The following STAG1 variants were observed in gnomAD, a reference collection of about 807,000 sequenced individuals.
STAG1 encodes STAG1 cohesin complex component.
A neutral mutation model predicts 170.9 loss-of-function variants in STAG1; 26 were observed. The ratio of observed to expected loss-of-function variants is 0.15; its 90% CI spans 0.11 to 0.21. STAG1 has a LOEUF of 0.21. STAG1 is among the 10% of genes least tolerant of loss of function. The pLI is 1.00. For missense variants in STAG1, 964 were observed against 1,509.5 expected (o/e 0.64, Z 5.99); for synonymous variants, 514 against 497.7 (o/e 1.03, Z -0.44).
Position 136,363,390 on chromosome 3 carries a change from C to A in STAG1, c.2763G>T (p.Lys921Asn). 1.9e-6 allele frequency: 3 copies of A among 1,603,242 alleles called. No individual in the cohort carries two copies. The highest frequency in any genetic ancestry group is 2.6e-6 in the Non-Finnish European group (3 of 1,172,016). The change falls in exon 26 of 34, where the codon AAG becomes AAT. Residue 921 changes from lysine (K) to asparagine (N), a missense_variant. By Grantham distance (94) the Lys-to-Asn change is moderately conservative (BLOSUM62 0). This residue lies in a region of STAG1 where 149 missense variants were observed against 301.3 expected (regional missense o/e 0.49). Coordinates refer to ENST00000383202, the MANE Select transcript of STAG1 (RefSeq NM_005862.3). ...CCTGTTGCAAACTGAGAATGAGAGT[C>A]TTGGCACACTGAATTTTATCAATCT... ...TRQIDKIQCA[K>N]TLILSLQQLF... is the part of the protein sequence containing the mutation.
intron 1 of STAG1, among the ~76,000 whole-genome samples, chr3:136,641,260 A>G (rs1038915339): frequency 5.3e-5 from 8 of 152,234 alleles, no homozygotes; most frequent in Non-Finnish European, 8.8e-5. Flanking sequence ...GGGAATCAAT[A>G]ATGAATACTA....
intron 12 of STAG1, 47 bp downstream of exon 12, chr3:136,472,366 G>T (rs769794428): frequency 8.0e-6 from 11 of 1,379,038 alleles, no homozygotes; most frequent in Non-Finnish European, 1.0e-5. Context: ...CTGGGGAAAA[G>T]GTATTAAAAT....
chr3:136,561,474 C>G (rs967929725), intron 5 of STAG1, among the ~76,000 whole-genome samples: 2 of 152,172 alleles, frequency 1.3e-5, no homozygotes, highest in African/African-American at 4.8e-5. Context: ...AAAGAATTTT[C>G]CCCCTCACTT....
At chr3:136,725,741 C>A (rs1353792020) in intron 1 of STAG1, among the ~76,000 whole-genome samples, 1 of 152,148 alleles carries the variant, frequency 6.6e-6, no homozygotes, top group Non-Finnish European at 1.5e-5. Flanking sequence ...CTGGTGTGAC[C>A]AAGTACAGAC....
intron 12 of STAG1, among the ~76,000 whole-genome samples, chr3:136,470,012 G>T (rs2089582019): frequency 6.6e-6 from 1 of 152,124 alleles, no homozygotes; most frequent in African/African-American, 2.4e-5. Flanking sequence ...TTCAATGTTA[G>T]ACCTAAAACC....
intron 9 of STAG1, among the ~76,000 whole-genome samples, chr3:136,477,648 C>T (rs1397717838): frequency 6.6e-6 from 1 of 152,056 alleles, no homozygotes; most frequent in East Asian, 1.9e-4. Flanking sequence ...ACTCTATTTT[C>T]ACTGGGCTAG....
At chr3:136,656,625 G>GTGTGTGTC (rs1308359690) in intron 1 of STAG1, among the ~76,000 whole-genome samples, 2 of 150,882 alleles carry the variant, frequency 1.3e-5, no homozygotes, top group Non-Finnish European at 3.0e-5. Flanking sequence ...ATTTGTGTGT[G>GTGTGTGTC]TGTGTGTGTG....
At chr3:136,496,349 G>C (rs181093936) in intron 9 of STAG1, among the ~76,000 whole-genome samples, 78 of 152,258 alleles carry the variant, frequency 5.1e-4, no homozygotes, top group Admixed American at 4.1e-3. Flanking sequence ...GAGGTATAGA[G>C]ATCTATAGGT....
chr3:136,505,654 G>C (rs942612957), intron 7 of STAG1, among the ~76,000 whole-genome samples: 34 of 152,186 alleles, frequency 2.2e-4, no homozygotes, highest in Non-Finnish European at 4.3e-4. Context: ...AGTTATTAGA[G>C]ATACACAAGT....
intron 2 of STAG1, among the ~76,000 whole-genome samples, chr3:136,624,425 G>C (rs1266448873): frequency 6.6e-6 from 1 of 152,126 alleles, no homozygotes; most frequent in Non-Finnish European, 1.5e-5. Flanking sequence ...ACCTACAGCT[G>C]CAACTGATGA....
At chr3:136,515,199 TC>T (rs1437002508) in intron 7 of STAG1, among the ~76,000 whole-genome samples, 2 of 151,996 alleles carry the variant, frequency 1.3e-5, no homozygotes, top group East Asian at 3.9e-4. Context: ...ACCCCGTCTC[TC>T]CCAAAAATAC....
At position 136,613,973 on chromosome 3, in the gene STAG1, G is replaced by C. The variant is rs183126934; in HGVS notation, c.132+9173C>G. Reference sequence around the variant, plus strand: ...CTCATGCCTGTAATCCCAGCACTTTGGGAGGCTGATGCGGATGGATTAGCT... The same window carrying C: ...CTCATGCCTGTAATCCCAGCACTTTCGGAGGCTGATGCGGATGGATTAGCT... On this transcript the variant is annotated intron_variant, in intron 3 of 33. Transcript: ENST00000383202. 2.1e-3 allele frequency among the ~76,000 whole-genome samples: 313 copies of C among 152,210 alleles called. 3 individuals carry two copies. The highest frequency in any genetic ancestry group is 7.4e-3 in the African/African-American group (307 of 41,540).
chr3:136,336,486 A>T lies in STAG1; in HGVS notation c.*1768T>A, dbSNP rs1183624593. On this transcript the variant is annotated 3_prime_UTR_variant, in exon 34 of 34. Coordinates refer to ENST00000383202, the MANE Select transcript of STAG1 (RefSeq NM_005862.3). ...CATCTGTTTTCCATACAAGACTGTC[A>T]CGCAAAGGATCAATTTGTGCATGTG... 1 of 151,142 alleles carries T rather than the reference A, an allele frequency of 6.6e-6. No individual in the cohort carries two copies. Among genetic ancestry groups the T allele is most frequent in the Non-Finnish European group, 1.5e-5 (1 of 68,040 alleles). The allele number at this position is 151,142 out of a possible 1,614,324, so 9.4% of individuals were successfully genotyped here. A position where few individuals can be genotyped will look rare whatever the true frequency, so the allele number is the denominator to read the frequency against.
chr3:136,605,627 GCTCT>G (rs1938896205), intron 3 of STAG1, among the ~76,000 whole-genome samples: 2 of 151,908 alleles, frequency 1.3e-5, no homozygotes, highest in Admixed American at 6.6e-5. Context: ...CAGTCCTTAT[GCTCT>G]CTATTGAGTA....
intron 22 of STAG1, among the ~76,000 whole-genome samples, chr3:136,393,856 A>T (rs193253307): frequency 1.3e-5 from 2 of 152,172 alleles, no homozygotes; most frequent in Non-Finnish European, 2.9e-5. Flanking sequence ...TTGGCCTCCC[A>T]AAGTGCTAGG....
In STAG1 at chr3:136,349,220, C is replaced by T. The variant is rs1194075372; in HGVS notation, c.3209G>A (p.Ser1070Asn). ...RMSVNSGSSS[S>N]KTSSVRNKKG... ...CTTATTCCTTACTGATGAGGTTTTGCTGCTGCTACTTCCACTGTTCACAGA... is the reference window on the plus strand; with the variant it reads ...CTTATTCCTTACTGATGAGGTTTTGTTGCTGCTACTTCCACTGTTCACAGA... Residue 1070 changes from serine to asparagine, a missense_variant, in exon 29 of 34, where the codon AGC becomes AAC. Physicochemically the swap from Ser to Asn is conservative, Grantham distance 46. Transcript: ENST00000383202. The T allele has an allele frequency of 6.2e-7, 1 of 1,613,926 alleles. No individual in the cohort carries two copies. Among genetic ancestry groups the T allele is most frequent in the African/African-American group, 1.3e-5 (1 of 74,894 alleles).
At chr3:136,566,968 G>A (rs950950843) in intron 5 of STAG1, among the ~76,000 whole-genome samples, 1 of 152,166 alleles carries the variant, frequency 6.6e-6, no homozygotes, top group African/African-American at 2.4e-5. Flanking sequence ...TACGACAGGT[G>A]AGGTGGAGAA....
At chr3:136,539,146 A>G (rs1257960204) in intron 6 of STAG1, among the ~76,000 whole-genome samples, 1 of 152,130 alleles carries the variant, frequency 6.6e-6, no homozygotes, top group Admixed American at 6.5e-5. Context: ...AAAAAAAAAA[A>G]AATGTTTTAG....
intron 4 of STAG1, among the ~76,000 whole-genome samples, chr3:136,590,835 T>G (rs1317366462): frequency 6.6e-6 from 1 of 152,222 alleles, no homozygotes; most frequent in East Asian, 1.9e-4. Flanking sequence ...TAATCAGTTC[T>G]AAAATATGTG....
Sources: allele counts gnomAD v4.1 joint callset (sites outside exome capture counted in the v4.1 genomes callset), GRCh38; gene constraint gnomAD v4.1.1; regional missense constraint gnomAD v4.1.1; transcripts MANE v1.5; gene names NCBI Gene and HGNC (gene_info 2026-07-23, HGNC 2026-07-21).